NEBL: variants seen among roughly 807,000 people sequenced by gnomAD.
NEBL encodes the protein LIM and SH3 protein 2.
Under a neutral mutation model 140.2 loss-of-function variants are expected in NEBL, and 122 were observed. That is an observed-to-expected ratio of 0.87 (90% CI 0.75 to 1.01). The LOEUF is 1.01. Ranked by LOEUF, NEBL falls within the 50% of genes least tolerant of loss-of-function variation. The probability of loss-of-function intolerance (pLI) is 0.00; values close to 1 mark genes in which losing one functional copy is unlikely to be tolerated. For synonymous variants in NEBL, 436 were observed against 398.9 expected, an observed-to-expected ratio of 1.09 and a Z score of -1.11; for missense variants, 1,365 against 1,231.3, an observed-to-expected ratio of 1.11 and a Z score of -1.62.
chr10:21,107,120 A>G (rs1255940617), intron 2 of NEBL, among the ~76,000 whole-genome samples: 1 of 152,194 alleles, frequency 6.6e-6, no homozygotes, highest in Non-Finnish European at 1.5e-5. Context: ...CAGTCATATC[A>G]TCTGCAAACA....
chr10:20,933,295 C>G (rs1038110398), intron 4 of NEBL, among the ~76,000 whole-genome samples: 1 of 152,144 alleles, frequency 6.6e-6, no homozygotes, highest in Non-Finnish European at 1.5e-5. Context: ...TTTAAGCCAT[C>G]AGATGCCCTT....
chr10:20,817,837 C>T (rs1350326705), intron 20 of NEBL, 145 bp from the exon 21 acceptor site: 5 of 716,368 alleles, frequency 7.0e-6, no homozygotes, highest in Non-Finnish European at 1.0e-5. Context: ...TACATATACG[C>T]CCACATTCCG....
At chr10:20,968,606 A>C (rs184267920) in intron 3 of NEBL, among the ~76,000 whole-genome samples, 8 of 152,368 alleles carry the variant, frequency 5.3e-5, no homozygotes, top group African/African-American at 1.7e-4. Flanking sequence ...AAGTGCAGTG[A>C]GAACTATGCA....
At chr10:21,067,311 A>G (rs1386175100) in intron 2 of NEBL, among the ~76,000 whole-genome samples, 3 of 152,194 alleles carry the variant, frequency 2.0e-5, no homozygotes, top group East Asian at 3.9e-4. Flanking sequence ...TAAATGCTGG[A>G]GAGTGCTGTT....
chr10:21,258,486 A>G (rs1588571414), intron 1 of NEBL, among the ~76,000 whole-genome samples: 1 of 152,156 alleles, frequency 6.6e-6, no homozygotes, highest in South Asian at 2.1e-4. Flanking sequence ...AGGTGGATCA[A>G]CTGAGGCTGG....
At chr10:21,029,391 C>T (rs2131800125) in intron 2 of NEBL, 1 of 1,611,470 alleles carries the variant, frequency 6.2e-7, no homozygotes, top group East Asian at 2.2e-5. Context: ...GTGAACCCAG[C>T]AATCCAGAGA....
At chr10:20,930,823 C>A (rs2131533009) in intron 4 of NEBL, among the ~76,000 whole-genome samples, 1 of 152,282 alleles carries the variant, frequency 6.6e-6, no homozygotes, top group East Asian at 1.9e-4. Context: ...AATCCCATAC[C>A]ATAAGGTTTG....
At chr10:21,058,921 G>A (rs528529270) in intron 2 of NEBL, among the ~76,000 whole-genome samples, 2 of 152,296 alleles carry the variant, frequency 1.3e-5, no homozygotes, top group East Asian at 3.9e-4. Flanking sequence ...GTAAAGTTGA[G>A]CAGGTCAAAG....
At chr10:20,833,960 G>A (rs1351111743) in intron 14 of NEBL, among the ~76,000 whole-genome samples, 1 of 152,064 alleles carries the variant, frequency 6.6e-6, no homozygotes, top group Non-Finnish European at 1.5e-5. Flanking sequence ...TCTATGCTTT[G>A]GTTGGCGCCA....
At chr10:20,906,239 A>C (rs1320783585) in intron 4 of NEBL, among the ~76,000 whole-genome samples, 1 of 151,992 alleles carries the variant, frequency 6.6e-6, no homozygotes, top group East Asian at 1.9e-4. Context: ...TCTTTTTTCT[A>C]TTATTTACTA....
intron 2 of NEBL, among the ~76,000 whole-genome samples, chr10:21,094,546 G>A (rs1001339756): frequency 3.3e-5 from 5 of 150,886 alleles, no homozygotes; most frequent in African/African-American, 7.3e-5. Context: ...GCCAGATGTG[G>A]TGGTGGAGTG....
At chr10:21,038,317 G>A (rs926091435) in intron 2 of NEBL, among the ~76,000 whole-genome samples, 5 of 152,112 alleles carry the variant, frequency 3.3e-5, no homozygotes, top group African/African-American at 4.8e-5. Context: ...TAGGTTTTAA[G>A]CCCTGCATGC....
At chr10:20,940,292 C>A (rs1003085603) in intron 4 of NEBL, among the ~76,000 whole-genome samples, 28 of 150,568 alleles carry the variant, frequency 1.9e-4, no homozygotes, top group Non-Finnish European at 3.7e-4. Context: ...CAATCAAAAC[C>A]GCTCAACTAC....
At chr10:20,845,405 A>G in intron 11 of NEBL, 37 bp from the exon 12 acceptor site, 2 of 1,251,078 alleles carry the variant, frequency 1.6e-6, no homozygotes, top group South Asian at 1.2e-5. Flanking sequence ...AAGTTAGCAA[A>G]TATCAGTGAC....
chr10:20,846,869 G>T (rs1842000908), intron 11 of NEBL, among the ~76,000 whole-genome samples: 1 of 152,000 alleles, frequency 6.6e-6, no homozygotes. Context: ...AACCTTTTGG[G>T]TATGCTTTTT....
At chr10:21,014,068 A>G (rs1270848865) in intron 3 of NEBL, among the ~76,000 whole-genome samples, 1 of 152,082 alleles carries the variant, frequency 6.6e-6, no homozygotes, top group African/African-American at 2.4e-5. Flanking sequence ...TACTTAAAAT[A>G]CACTCCATTC....
chr10:21,204,453 C>G (rs1339900492), intron 3 of NEBL, among the ~76,000 whole-genome samples: 1 of 152,168 alleles, frequency 6.6e-6, no homozygotes, highest in Non-Finnish European at 1.5e-5. Context: ...CTCTCTCTCT[C>G]TCTCTTTCCA....
chr10:21,285,371 T>TC (rs1843042450), intron 1 of NEBL, among the ~76,000 whole-genome samples: 1 of 152,224 alleles, frequency 6.6e-6, no homozygotes, highest in African/African-American at 2.4e-5. Flanking sequence ...TCTGATGGCC[T>TC]CCCTTGGAAA....
chr10:21,003,125 G>A (rs1837980689), intron 3 of NEBL, among the ~76,000 whole-genome samples: 1 of 148,972 alleles, frequency 6.7e-6, no homozygotes, highest in East Asian at 2.0e-4. Flanking sequence ...TCTTCACATT[G>A]GGCTTCTTTA....
Sources: gnomAD v4.1 joint callset for allele counts (sites outside exome capture counted in the v4.1 genomes callset) on GRCh38, gnomAD v4.1.1 for gene constraint, MANE v1.5 for transcripts, NCBI Gene and HGNC (gene_info 2026-07-23, HGNC 2026-07-21) for gene names.